Variants in KANK1 observed in about 807,000 individuals in gnomAD.
KANK1 encodes the protein KN motif and ankyrin repeat domain-containing protein 1.
In KANK1, 109 loss-of-function variants were observed where a neutral mutation model predicts 106.2. The ratio of observed to expected loss-of-function variants is 1.03; its 90% CI spans 0.88 to 1.20. KANK1 has a LOEUF of 1.20. KANK1 is among the 50% of genes most tolerant of loss of function. KANK1 has a pLI of 0.00. For missense variants in KANK1, 2,399 were observed against 1,710.7 expected (o/e 1.40, Z -7.10); for synonymous variants, 873 against 652.2 (o/e 1.34, Z -5.16).
intron 1 of KANK1, among the ~76,000 whole-genome samples, chr9:522,096 T>C (rs975655365): frequency 3.3e-5 from 5 of 151,742 alleles, no homozygotes; most frequent in Non-Finnish European, 7.4e-5. Flanking sequence ...ATGTAAATAT[T>C]GTAAGAGATT....
intron 1 of KANK1, among the ~76,000 whole-genome samples, chr9:514,218 C>CCCTTCCTCCCTCCCTCCCTCCCTTCCTT (rs1322433921): frequency 4.2e-5 from 3 of 71,032 alleles, no homozygotes; most frequent in Admixed American, 3.6e-4. Flanking sequence ...CTCCCTCCCT[C>CCCTTCCTCCCTCCCTCCCTCCCTTCCTT]CCTTCCTCCC....
intron 1 of KANK1, among the ~76,000 whole-genome samples, chr9:631,858 G>T (rs867059027): frequency 3.9e-5 from 6 of 152,206 alleles, no homozygotes; most frequent in Admixed American, 6.5e-5. Context: ...CCTCATTTCA[G>T]GGGTGGTGTC....
At chr9:583,190 C>T (rs1210423457) in intron 1 of KANK1, among the ~76,000 whole-genome samples, 1 of 152,016 alleles carries the variant, frequency 6.6e-6, no homozygotes, top group African/African-American at 2.4e-5. Context: ...AATTCTGTTA[C>T]CAAGTCTTTT....
chr9:529,732 A>G (rs1333629794), intron 1 of KANK1, among the ~76,000 whole-genome samples: 1 of 152,202 alleles, frequency 6.6e-6, no homozygotes, highest in Non-Finnish European at 1.5e-5. Flanking sequence ...TGCTACATCC[A>G]ACAATGCTGC....
intron 1 of KANK1, among the ~76,000 whole-genome samples, chr9:633,715 T>C (rs1218206700): frequency 6.6e-6 from 1 of 152,308 alleles, no homozygotes; most frequent in South Asian, 2.1e-4. Flanking sequence ...TGCAGTGGCA[T>C]GTTCATAGCT....
intron 3 of KANK1, among the ~76,000 whole-genome samples, chr9:727,738 A>G (rs1831126722): frequency 6.8e-6 from 1 of 146,006 alleles, no homozygotes; most frequent in Admixed American, 6.8e-5. Context: ...GTGGTAATGT[A>G]TTTTAATAGG....
At chr9:514,284 C>G (rs1189051828) in intron 1 of KANK1, among the ~76,000 whole-genome samples, 2 of 124,956 alleles carry the variant, frequency 1.6e-5, no homozygotes, top group Non-Finnish European at 3.1e-5. Flanking sequence ...TCCTTCCTTC[C>G]TATTCATCTC....
intron 1 of KANK1, among the ~76,000 whole-genome samples, chr9:528,503 A>T (rs1405467889): frequency 3.1e-5 from 3 of 95,978 alleles, no homozygotes; most frequent in Non-Finnish European, 6.0e-5. Flanking sequence ...TTTTTTTGAG[A>T]CGGAGTCTCA....
At chr9:663,757 T>G (rs1042342183) in intron 1 of KANK1, among the ~76,000 whole-genome samples, 10 of 152,214 alleles carry the variant, frequency 6.6e-5, no homozygotes, top group Admixed American at 1.3e-4. Context: ...CACGGGATTC[T>G]GAAAGCATTT....
chr9:519,345 C>T (rs2059444589), intron 1 of KANK1, among the ~76,000 whole-genome samples: 1 of 151,702 alleles, frequency 6.6e-6, no homozygotes, highest in African/African-American at 2.4e-5. Context: ...CACAAATTTG[C>T]AAAAGGTGGT....
At chr9:695,672 GTTC>G (rs1235234699) in intron 2 of KANK1, among the ~76,000 whole-genome samples, 3 of 152,238 alleles carry the variant, frequency 2.0e-5, no homozygotes, top group South Asian at 2.1e-4. Flanking sequence ...CCAGGGTTGT[GTTC>G]TTCTCCAGAC....
At chr9:670,522 T>C (rs1588754995) in intron 1 of KANK1, among the ~76,000 whole-genome samples, 1 of 151,982 alleles carries the variant, frequency 6.6e-6, no homozygotes, top group South Asian at 2.1e-4. Context: ...ATGGGGGAGG[T>C]TGCAAAGGAG....
chr9:476,143 TC>T (rs1431850118), intron 3 of KANK1, among the ~76,000 whole-genome samples: 1 of 124,520 alleles, frequency 8.0e-6, no homozygotes, highest in Non-Finnish European at 1.7e-5. Context: ...AAACTCCATC[TC>T]AAAAAAAAAA....
intron 1 of KANK1, among the ~76,000 whole-genome samples, chr9:657,380 C>A (rs368581527): frequency 6.7e-6 from 1 of 148,228 alleles, no homozygotes; most frequent in East Asian, 2.1e-4. Context: ...TTCTTTTGGG[C>A]ATATACCCAG....
At chr9:492,846 G>T (rs1223666263) in intron 3 of KANK1, among the ~76,000 whole-genome samples, 1 of 151,902 alleles carries the variant, frequency 6.6e-6, no homozygotes. Context: ...CCAACATGGA[G>T]AAATCCTGTC....
chr9:693,575 T>C, intron 2 of KANK1: 1 of 985,416 alleles, frequency 1.0e-6, no homozygotes, highest in Non-Finnish European at 1.2e-6. Context: ...ATTTTTGCTG[T>C]CTCACTGACG....
chr9:721,060 T>C (rs1829181674), intron 3 of KANK1, among the ~76,000 whole-genome samples: 1 of 152,232 alleles, frequency 6.6e-6, no homozygotes, highest in Non-Finnish European at 1.5e-5. Context: ...TTGAAAATAC[T>C]GATGCCTGCA....
intron 4 of KANK1, 183 bp downstream of exon 4, chr9:730,431 C>T (rs1589254895): frequency 1.2e-5 from 8 of 648,946 alleles, no homozygotes; most frequent in East Asian, 8.8e-5. Context: ...GTGGCTCACA[C>T]CTGTGATCCC....
intron 1 of KANK1, among the ~76,000 whole-genome samples, chr9:661,778 T>C (rs1348964983): frequency 1.6e-4 from 25 of 152,122 alleles, no homozygotes; most frequent in African/African-American, 5.8e-4. Context: ...ACATCCTCTT[T>C]AGCACCTGTT....
Sources: allele counts gnomAD v4.1 joint callset (sites outside exome capture counted in the v4.1 genomes callset), GRCh38; gene constraint gnomAD v4.1.1; transcripts MANE v1.5; gene names NCBI Gene and HGNC (gene_info 2026-07-23, HGNC 2026-07-21).